NELL2: variants seen among roughly 807,000 people sequenced by gnomAD.
NELL2 encodes protein kinase C-binding protein NELL2.
A neutral mutation model predicts 109.6 loss-of-function variants in NELL2; 41 were observed. The ratio of observed to expected loss-of-function variants is 0.37; its 90% CI spans 0.29 to 0.49. The LOEUF (loss-of-function observed/expected upper bound fraction) is 0.49, where lower values mean the gene tolerates loss of function less well. Ranked by LOEUF, NELL2 falls within the 20% of genes least tolerant of loss-of-function variation. NELL2 has a pLI of 0.98. For synonymous variants in NELL2, 355 were observed against 344.7 expected (o/e 1.03, Z -0.33); for missense variants, 900 against 1,008.3 (o/e 0.89, Z 1.45).
intron 3 of NELL2, among the ~76,000 whole-genome samples, chr12:44,798,126 C>T (rs543230474): frequency 7.2e-6 from 1 of 139,120 alleles, no homozygotes; most frequent in East Asian, 2.2e-4. Flanking sequence ...TCATTCCATC[C>T]TAGATGGAAT....
intron 2 of NELL2, chr12:44,874,910 C>T (rs1945268519): frequency 8.8e-6 from 2 of 227,142 alleles, no homozygotes; most frequent in Admixed American, 5.1e-5. Flanking sequence ...TTCACCCAAA[C>T]GAGGCGTTTG....
At chr12:44,811,245 T>C (rs1408836161) in intron 3 of NELL2, among the ~76,000 whole-genome samples, 3 of 144,176 alleles carry the variant, frequency 2.1e-5, no homozygotes, top group African/African-American at 2.6e-5. Context: ...AAAACCTAGA[T>C]GACAGGTTAA....
intron 15 of NELL2, among the ~76,000 whole-genome samples, chr12:44,586,236 C>G (rs1033605983): frequency 6.8e-6 from 1 of 147,862 alleles, no homozygotes; most frequent in Non-Finnish European, 1.5e-5. Flanking sequence ...TAATTGAAAA[C>G]CACTATTGTA....
intron 12 of NELL2, among the ~76,000 whole-genome samples, chr12:44,689,535 C>T (rs1228817792): frequency 1.3e-5 from 2 of 152,188 alleles, no homozygotes; most frequent in African/African-American, 4.8e-5. Flanking sequence ...CCAGGCAGCC[C>T]TTATGTCCCC....
intron 15 of NELL2, among the ~76,000 whole-genome samples, chr12:44,601,586 C>CAG (rs150608848): frequency 1.3e-5 from 2 of 152,220 alleles, no homozygotes; most frequent in Non-Finnish European, 2.9e-5. Flanking sequence ...TATAACATCT[C>CAG]AGGGCATCTC....
At chr12:44,804,582 G>T (rs1555220471) in intron 3 of NELL2, among the ~76,000 whole-genome samples, 1 of 151,688 alleles carries the variant, frequency 6.6e-6, no homozygotes, top group Non-Finnish European at 1.5e-5. Flanking sequence ...GTAAACTGTA[G>T]AAAAAAATTA....
chr12:44,655,164 A>G (rs1233472554), intron 13 of NELL2, among the ~76,000 whole-genome samples: 3 of 152,202 alleles, frequency 2.0e-5, no homozygotes, highest in African/African-American at 4.8e-5. Flanking sequence ...GGTTTGACTA[A>G]TAAGTCAAAG....
intron 15 of NELL2, among the ~76,000 whole-genome samples, chr12:44,578,386 C>A (rs951105555): frequency 5.9e-5 from 9 of 151,432 alleles, no homozygotes; most frequent in Non-Finnish European, 1.3e-4. Flanking sequence ...CGATAGAAAT[C>A]TTCAATTCTG....
chr12:44,830,203 C>T (rs1477462033), intron 2 of NELL2, among the ~76,000 whole-genome samples: 1 of 152,008 alleles, frequency 6.6e-6, no homozygotes, highest in Non-Finnish European at 1.5e-5. Context: ...AATAGTGCAA[C>T]CTCAGACTCC....
At chr12:44,542,897 A>G (rs1417361784) in intron 15 of NELL2, among the ~76,000 whole-genome samples, 1 of 152,170 alleles carries the variant, frequency 6.6e-6, no homozygotes, top group African/African-American at 2.4e-5. Flanking sequence ...CCATAGCCAA[A>G]GAATGCCTGG....
At chr12:44,555,416 G>A (rs1283877858) in intron 15 of NELL2, among the ~76,000 whole-genome samples, 2 of 152,002 alleles carry the variant, frequency 1.3e-5, no homozygotes, top group African/African-American at 2.4e-5. Context: ...ATGAGTCTTC[G>A]AACCTTCATA....
At chr12:44,728,869 A>G (rs1939215995) in intron 9 of NELL2, among the ~76,000 whole-genome samples, 1 of 152,182 alleles carries the variant, frequency 6.6e-6, no homozygotes, top group African/African-American at 2.4e-5. Flanking sequence ...CAAGAATACT[A>G]TACATAGCCA....
chr12:44,583,093 A>G (rs972121013), intron 15 of NELL2, among the ~76,000 whole-genome samples: 2 of 152,162 alleles, frequency 1.3e-5, no homozygotes, highest in Non-Finnish European at 1.5e-5. Context: ...ATTACCCAGT[A>G]TGTGGTATTC....
rs1452595572 is a variant in NELL2 at position 44,508,336 on chromosome 12, A to T, written c.*598T>A. 38 of 152,626 alleles carry T rather than the reference A, an allele frequency of 2.5e-4. 1 individual carries two copies. Among genetic ancestry groups the T allele is most frequent in the Admixed American group, 2.5e-3 (38 of 15,268 alleles). 9.5% of individuals were successfully genotyped at this position (152,626 alleles called of 1,614,324 possible). ...CACAAGAACGAGCTTATACTGAACA[A>T]ATTCAACCAAATAATATTAAGTGCA... On this transcript the variant is annotated 3_prime_UTR_variant, in exon 20 of 20. Coordinates refer to ENST00000429094, the MANE Select transcript of NELL2 (RefSeq NM_001145108.2).
chr12:44,546,293 TCTTAAC>T lies in NELL2; in HGVS notation c.1664-13578_1664-13573del, dbSNP rs1166576293. 2.2e-3 allele frequency among the ~76,000 whole-genome samples: 337 copies of T among 152,242 alleles called. 1 individual carries two copies. Among genetic ancestry groups the T allele is most frequent in the African/African-American group, 7.8e-3 (324 of 41,574 alleles). On this transcript the variant is annotated intron_variant, in intron 15 of 19. Transcript: ENST00000429094. ...GTTGTCAGATATAGCTTTGAGTGGG[TCTTAAC>T]CAGAAAATTCACTGATGGATGGCTT...
At chr12:44,571,145 A>G (rs952956901) in intron 15 of NELL2, among the ~76,000 whole-genome samples, 6 of 152,218 alleles carry the variant, frequency 3.9e-5, no homozygotes, top group Admixed American at 6.5e-5. Flanking sequence ...TAGCAGTGAG[A>G]GGAAAATCTA....
At chr12:44,601,005 G>T (rs1945197020) in intron 15 of NELL2, among the ~76,000 whole-genome samples, 1 of 151,714 alleles carries the variant, frequency 6.6e-6, no homozygotes, top group African/African-American at 2.4e-5. Flanking sequence ...GAATTCAAAG[G>T]CACAATACAA....
intron 9 of NELL2, among the ~76,000 whole-genome samples, chr12:44,755,996 T>G (rs1346538612): frequency 2.0e-5 from 3 of 152,152 alleles, no homozygotes; most frequent in Non-Finnish European, 4.4e-5. Flanking sequence ...TCATGGGCTG[T>G]TTTCGGTACA....
At chr12:44,539,652 C>A (rs992608252) in intron 15 of NELL2, among the ~76,000 whole-genome samples, 1 of 151,940 alleles carries the variant, frequency 6.6e-6, no homozygotes, top group African/African-American at 2.4e-5. Context: ...ACTACCATAA[C>A]CAAGATATAA....
Sources: allele counts gnomAD v4.1 joint callset (sites outside exome capture counted in the v4.1 genomes callset), GRCh38; gene constraint gnomAD v4.1.1; transcripts MANE v1.5; gene names NCBI Gene and HGNC (gene_info 2026-07-23, HGNC 2026-07-21).